The following B3GALT1 variants were observed in gnomAD, a reference collection of about 807,000 sequenced individuals.
B3GALT1 encodes the protein UDP-Gal:betaGlcNAc beta 1,3-galactosyltransferase, polypeptide 1.
A neutral mutation model predicts 23.2 loss-of-function variants in B3GALT1; 10 were observed. The observed-to-expected ratio is 0.43, with a 90% CI of 0.27 to 0.73. The LOEUF (loss-of-function observed/expected upper bound fraction) is 0.73, where lower values mean the gene tolerates loss of function less well. B3GALT1 is among the 30% of genes least tolerant of loss of function. B3GALT1 has a pLI of 0.21. For synonymous variants in B3GALT1, 156 were observed against 141.5 expected (o/e 1.10, Z -0.73); for missense variants, 299 against 405.4 (o/e 0.74, Z 2.25).
intron 3 of B3GALT1, among the ~76,000 whole-genome samples, chr2:167,675,974 C>T (rs1217346478): frequency 6.6e-6 from 1 of 151,714 alleles, no homozygotes; most frequent in Non-Finnish European, 1.5e-5. Context: ...TCCAAAGCAG[C>T]TCCCAGAAAT....
Position 167,674,192 on chromosome 2 carries a change from CA to C in B3GALT1, c.-352+27229del, listed in dbSNP as rs564618803. Among the ~76,000 whole-genome samples the C allele has an allele frequency of 1.1e-3, 174 of 152,102 alleles. 1 individual carries two copies. The highest frequency in any genetic ancestry group is 4.0e-3 in the African/African-American group (166 of 41,510). ...ATTTAGGGCCTTTGCAACTGTGAATCAAATATTTTTACTTGTTATTAAGATG... is the reference window on the plus strand; with the variant it reads ...ATTTAGGGCCTTTGCAACTGTGAATCAATATTTTTACTTGTTATTAAGATG... On this transcript the variant is annotated intron_variant, in intron 3 of 4. Transcript: ENST00000392690.
chr2:167,378,787 A>G (rs1162439882), intron 1 of B3GALT1, among the ~76,000 whole-genome samples: 1 of 151,966 alleles, frequency 6.6e-6, no homozygotes, highest in African/African-American at 2.4e-5. Flanking sequence ...CTTCCTTGCA[A>G]TCCATGCATT....
intron 3 of B3GALT1, among the ~76,000 whole-genome samples, chr2:167,813,545 G>T (rs1461676994): frequency 6.6e-6 from 1 of 152,078 alleles, no homozygotes; most frequent in African/African-American, 2.4e-5. Flanking sequence ...TAAATTGATT[G>T]CCTAACTAAC....
chr2:167,477,034 C>T (rs1264353289), intron 1 of B3GALT1, among the ~76,000 whole-genome samples: 1 of 152,164 alleles, frequency 6.6e-6, no homozygotes, highest in African/African-American at 2.4e-5. Flanking sequence ...ATTATTCAAG[C>T]TTTAGGAGTC....
intron 1 of B3GALT1, among the ~76,000 whole-genome samples, chr2:167,331,344 C>T (rs889707554): frequency 1.3e-5 from 2 of 152,086 alleles, no homozygotes; most frequent in African/African-American, 2.4e-5. Flanking sequence ...TGCTTGGGTG[C>T]TGGGGATGAT....
chr2:167,738,132 T>C (rs368014455), intron 3 of B3GALT1, among the ~76,000 whole-genome samples: 9 of 152,332 alleles, frequency 5.9e-5, no homozygotes, highest in African/African-American at 1.7e-4. Context: ...TCTCAGATCT[T>C]ACACTTGAGT....
At chr2:167,714,742 T>C (rs1687117571) in intron 3 of B3GALT1, 4 of 1,613,744 alleles carry the variant, frequency 2.5e-6, no homozygotes, top group Non-Finnish European at 3.4e-6. Context: ...TTCTCTCCAA[T>C]TCTTCTTCAA....
At chr2:167,387,858 A>G (rs1286359898) in intron 1 of B3GALT1, among the ~76,000 whole-genome samples, 1 of 152,260 alleles carries the variant, frequency 6.6e-6, no homozygotes, top group East Asian at 1.9e-4. Context: ...ATCTGGCAGA[A>G]TACAGACTAT....
chr2:167,503,502 T>C (rs1699876465), intron 2 of B3GALT1, among the ~76,000 whole-genome samples: 1 of 152,158 alleles, frequency 6.6e-6, no homozygotes, highest in African/African-American at 2.4e-5. Flanking sequence ...ATAAAGAAGC[T>C]TAACACTAAA....
intron 3 of B3GALT1, among the ~76,000 whole-genome samples, chr2:167,686,651 GT>G: frequency 6.6e-6 from 1 of 152,288 alleles, no homozygotes; most frequent in South Asian, 2.1e-4. Flanking sequence ...TTTCTAAGAA[GT>G]ATTTAAAGCT....
intron 1 of B3GALT1, among the ~76,000 whole-genome samples, chr2:167,389,925 C>CAAA (rs751630307): frequency 6.4e-4 from 68 of 105,456 alleles, no homozygotes; most frequent in South Asian, 4.1e-3. Context: ...AAAAAAAAAA[C>CAAA]AAAAAAAAAA....
intron 1 of B3GALT1, among the ~76,000 whole-genome samples, chr2:167,399,394 A>G (rs886846539): frequency 2.0e-5 from 3 of 152,148 alleles, no homozygotes; most frequent in African/African-American, 7.2e-5. Context: ...GTAAAATATA[A>G]TTACAGCCAG....
chr2:167,446,954 T>G (rs1166369885), intron 1 of B3GALT1, among the ~76,000 whole-genome samples: 2 of 152,230 alleles, frequency 1.3e-5, no homozygotes, highest in Non-Finnish European at 2.9e-5. Context: ...TTTAGAATTT[T>G]CAGCTTTTGT....
chr2:167,766,756 G>A (rs1334835083), intron 3 of B3GALT1, among the ~76,000 whole-genome samples: 1 of 152,116 alleles, frequency 6.6e-6, no homozygotes, highest in East Asian at 1.9e-4. Flanking sequence ...AGGACTCTCT[G>A]GTACAGTTTC....
At chr2:167,475,058 C>T (rs1020714446) in intron 1 of B3GALT1, among the ~76,000 whole-genome samples, 1 of 152,090 alleles carries the variant, frequency 6.6e-6, no homozygotes, top group Non-Finnish European at 1.5e-5. Flanking sequence ...GCAGTAGATA[C>T]CCCTCTATTA....
At chr2:167,527,758 A>C (rs1337709026) in intron 2 of B3GALT1, among the ~76,000 whole-genome samples, 1 of 152,148 alleles carries the variant, frequency 6.6e-6, no homozygotes, top group Non-Finnish European at 1.5e-5. Context: ...TTTCCTCTCT[A>C]AAAGTTGAAG....
chr2:167,809,741 T>G (rs1688838081), intron 3 of B3GALT1, among the ~76,000 whole-genome samples: 1 of 152,208 alleles, frequency 6.6e-6, no homozygotes, highest in African/African-American at 2.4e-5. Flanking sequence ...AGGGACCCAC[T>G]TGAGGAGGCA....
chr2:167,844,962 A>G (rs1273184817), intron 4 of B3GALT1, among the ~76,000 whole-genome samples: 1 of 152,064 alleles, frequency 6.6e-6, no homozygotes, highest in East Asian at 1.9e-4. Context: ...AAAGCCTGTG[A>G]CTGCCGGCTT....
chr2:167,466,110 G>T (rs1428350961), intron 1 of B3GALT1, among the ~76,000 whole-genome samples: 2 of 152,126 alleles, frequency 1.3e-5, no homozygotes, highest in Non-Finnish European at 2.9e-5. Flanking sequence ...CTTATAGTTG[G>T]ACTGAAATAT....
Sources: gnomAD v4.1 joint callset for allele counts (sites outside exome capture counted in the v4.1 genomes callset) on GRCh38, gnomAD v4.1.1 for gene constraint, MANE v1.5 for transcripts, NCBI Gene and HGNC (gene_info 2026-07-23, HGNC 2026-07-21) for gene names.